The following FHDC1 variants were observed in gnomAD, a reference collection of about 807,000 sequenced individuals.
FHDC1 encodes the protein FH2 domain containing 1, also known as FH2 domain-containing protein 1.
Under a neutral mutation model 52.6 loss-of-function variants are expected in FHDC1, and 25 were observed. The observed-to-expected ratio is 0.48, with a 90% CI of 0.35 to 0.66. FHDC1 has a LOEUF of 0.66. Among genes scored for constraint, FHDC1 ranks in the 30% least tolerant of loss-of-function variants. FHDC1 has a pLI of 0.01. For synonymous variants in FHDC1, 616 were observed against 581.5 expected (o/e 1.06, Z -0.85); for missense variants, 1,459 against 1,452.8 (o/e 1.00, Z -0.07).
chr4:152,943,582 C>T, intron 2 of FHDC1, 27 bp downstream of exon 2: 1 of 1,586,794 alleles, frequency 6.3e-7, no homozygotes, highest in Non-Finnish European at 8.6e-7. Flanking sequence ...GAGGGCTAAT[C>T]CTCCACACAC....
intron 1 of FHDC1, among the ~76,000 whole-genome samples, chr4:152,938,951 G>A (rs985958501): frequency 4.6e-5 from 7 of 151,958 alleles, no homozygotes; most frequent in African/African-American, 1.7e-4. Context: ...ACTGGTCCTC[G>A]TTCAGGAAAG....
At chr4:152,956,728 G>A (rs1389303801) in intron 4 of FHDC1, among the ~76,000 whole-genome samples, 3 of 152,192 alleles carry the variant, frequency 2.0e-5, no homozygotes, top group Non-Finnish European at 4.4e-5. Context: ...CCAGGCAGCA[G>A]CTGTTTCTCC....
chr4:152,965,028 GATAA>G (rs1397428970), intron 9 of FHDC1, 53 bp downstream of exon 9: 23 of 1,491,166 alleles, frequency 1.5e-5, no homozygotes, highest in African/African-American at 1.1e-4. Context: ...TATGAAAACT[GATAA>G]ATAGTTAAAA....
In FHDC1 at chr4:152,975,915, C is replaced by T. The variant is rs754933214; in HGVS notation, c.2624C>T (p.Ser875Phe). 1.3e-5 allele frequency: 20 copies of T among 1,514,288 alleles called. No individual in the cohort carries two copies. Among genetic ancestry groups the T allele is most frequent in the Non-Finnish European group, 1.8e-5 (20 of 1,133,902 alleles). 93.8% of individuals were successfully genotyped at this position (1,514,288 alleles called of 1,614,324 possible). A position where few individuals can be genotyped will look rare whatever the true frequency, so the allele number is the denominator to read the frequency against. Residue 875 changes from serine to phenylalanine, a missense_variant, in exon 12 of 12, where the codon TCC (serine) becomes TTC (phenylalanine). Physicochemically the swap from Ser to Phe is radical, Grantham distance 155 (BLOSUM62 -2). Around this residue, in one of 3 missense-constraint regions of FHDC1, gnomAD observed 939 missense variants for 854.5 expected, o/e 1.10. Transcript: ENST00000511601. The stretch of plus-strand genomic sequence containing the variant: ...CTGAAAGAGGCGTCTCCCGGGGCCT[C>T]CAAGCCCGGGAGCGCCCGGCGGAGC... ...GSLKEASPGA[S>F]KPGSARRSQG...
intron 1 of FHDC1, among the ~76,000 whole-genome samples, chr4:152,938,245 T>C (rs1739460726): frequency 6.7e-6 from 1 of 149,636 alleles, no homozygotes; most frequent in Non-Finnish European, 1.5e-5. Context: ...AAAATGAACA[T>C]TCAAATACAG....
At chr4:152,934,766 G>A (rs1015960162), upstream of FHDC1, among the ~76,000 whole-genome samples, 22 of 152,154 alleles carry the variant, frequency 1.4e-4, no homozygotes, top group Non-Finnish European at 5.9e-5. Flanking sequence ...GGGATGAGGG[G>A]CTGAGAATGG....
At chr4:152,948,713 C>T (rs569233898) in intron 2 of FHDC1, among the ~76,000 whole-genome samples, 14 of 152,262 alleles carry the variant, frequency 9.2e-5, no homozygotes, top group South Asian at 4.1e-4. Context: ...ACCTCAGCCT[C>T]CCAATGTGCT....
chr4:152,959,606 G>T (rs938912562), intron 4 of FHDC1, among the ~76,000 whole-genome samples: 2 of 152,076 alleles, frequency 1.3e-5, no homozygotes, highest in Non-Finnish European at 2.9e-5. Context: ...TCCCTATGTT[G>T]CCCAGGCTAG....
chr4:152,978,137 G>A lies in FHDC1; in HGVS notation c.*1414G>A, dbSNP rs1338927425. ...AATCTAGAAGTGCCATATTTTAGTG[G>A]AAAGGCATCAGGGCTGTTTGACAGT... On this transcript the variant is annotated 3_prime_UTR_variant, in exon 12 of 12. Transcript: ENST00000511601. The A allele has an allele frequency of 6.6e-6, 1 of 152,214 alleles. No individual in the cohort carries two copies. Among genetic ancestry groups the A allele is most frequent in the Non-Finnish European group, 1.5e-5 (1 of 68,032 alleles). The allele number at this position is 152,214 out of a possible 1,614,324, so 9.4% of individuals were successfully genotyped here. A position where few individuals can be genotyped will look rare whatever the true frequency, so the allele number is the denominator to read the frequency against.
chr4:152,931,973 A>G (rs1379922137), upstream of FHDC1, among the ~76,000 whole-genome samples: 1 of 150,828 alleles, frequency 6.6e-6, no homozygotes, highest in Non-Finnish European at 1.5e-5. Context: ...AACTTCAAAA[A>G]TCACTACTTA....
At chr4:152,962,166 T>C (rs957937326) in intron 6 of FHDC1, among the ~76,000 whole-genome samples, 1 of 152,206 alleles carries the variant, frequency 6.6e-6, no homozygotes, top group African/African-American at 2.4e-5. Flanking sequence ...GTACAAAGGA[T>C]TTGGTGTTAA....
At chr4:152,937,741 C>T (rs1355227469) in intron 1 of FHDC1, among the ~76,000 whole-genome samples, 2 of 151,990 alleles carry the variant, frequency 1.3e-5, no homozygotes, top group Non-Finnish European at 2.9e-5. Context: ...CGCGCCGCGA[C>T]GCCCTTCTGC....
chr4:152,961,828 C>T (rs1467582890), intron 6 of FHDC1, among the ~76,000 whole-genome samples: 1 of 152,248 alleles, frequency 6.6e-6, no homozygotes, highest in East Asian at 1.9e-4. Flanking sequence ...AACATAGAGG[C>T]CTTTAAACTT....
intron 11 of FHDC1, 37 bp from the exon 12 acceptor site, chr4:152,974,636 CAT>C: frequency 1.3e-6 from 2 of 1,502,354 alleles, no homozygotes; most frequent in Non-Finnish European, 1.8e-6. Flanking sequence ...ATTGGTCCCA[CAT>C]GTCTCATGCA....
chr4:152,960,904 TA>T (rs903259134), intron 6 of FHDC1, 60 bp downstream of exon 6: 95 of 1,324,582 alleles, frequency 7.2e-5, no homozygotes, highest in African/African-American at 1.2e-4. Context: ...AGCAGTTTTT[TA>T]AAAAAGCCAA....
chr4:152,961,115 CTT>C (rs1161868341), intron 6 of FHDC1, among the ~76,000 whole-genome samples: 8 of 152,258 alleles, frequency 5.3e-5, no homozygotes, highest in Non-Finnish European at 1.2e-4. Context: ...ACGGCTTGCT[CTT>C]GTTTCTCTCC....
At position 152,942,981 on chromosome 4, in the gene FHDC1, A is replaced by C; in HGVS notation, c.-77A>C. The C allele has an allele frequency of 6.6e-7, 1 of 1,505,436 alleles. No individual in the cohort carries two copies. Among genetic ancestry groups the C allele is most frequent in the Non-Finnish European group, 9.0e-7 (1 of 1,115,530 alleles). The allele number at this position is 1,505,436 out of a possible 1,614,324, so 93.3% of individuals were successfully genotyped here. ...CTGGCGGCAGATAGCAGCAGGTGAA[A>C]AAGTGCTACACAAGTTTGATGTTTG... is the stretch of plus-strand genomic sequence containing the variant. On this transcript the variant is annotated 5_prime_UTR_variant, in exon 2 of 12. Coordinates refer to ENST00000511601, the MANE Select transcript of FHDC1 (RefSeq NM_001371116.1).
intron 4 of FHDC1, among the ~76,000 whole-genome samples, chr4:152,957,639 A>G (rs1740140438): frequency 6.6e-6 from 1 of 152,244 alleles, no homozygotes; most frequent in Non-Finnish European, 1.5e-5. Context: ...ACTGGTGTGA[A>G]TAAGTGTCAC....
upstream of FHDC1, among the ~76,000 whole-genome samples, chr4:152,933,708 G>A (rs532090173): frequency 6.8e-6 from 1 of 146,454 alleles, no homozygotes; most frequent in African/African-American, 2.6e-5. Flanking sequence ...ATTCCAGCCT[G>A]GCGACAGTGA....
Sources: gnomAD v4.1 joint callset for allele counts (sites outside exome capture counted in the v4.1 genomes callset) on GRCh38, gnomAD v4.1.1 for gene constraint, gnomAD v4.1.1 regional missense constraint, MANE v1.5 for transcripts, NCBI Gene and HGNC (gene_info 2026-07-23, HGNC 2026-07-21) for gene names.